Variants in DACH1 observed in about 807,000 individuals in gnomAD.
DACH1 encodes dachshund family transcription factor 1.
In DACH1, 12 loss-of-function variants were observed where a neutral mutation model predicts 54.2. The observed-to-expected ratio is 0.22, with a 90% CI of 0.14 to 0.36. The LOEUF (loss-of-function observed/expected upper bound fraction) is 0.36, where lower values mean the gene tolerates loss of function less well. Among genes scored for constraint, DACH1 ranks in the 10% least tolerant of loss-of-function variants. The pLI, the probability that DACH1 is intolerant of heterozygous loss-of-function variation, is 1.00. For synonymous variants in DACH1, 386 were observed against 366.2 expected (o/e 1.05, Z -0.62); for missense variants, 805 against 929.8 (o/e 0.87, Z 1.75).
At chr13:71,696,924 TAA>T (rs1409340198) in intron 1 of DACH1, among the ~76,000 whole-genome samples, 1 of 152,164 alleles carries the variant, frequency 6.6e-6, no homozygotes, top group Non-Finnish European at 1.5e-5. Flanking sequence ...GTATTATCTC[TAA>T]AAAGAATTGA....
intron 10 of DACH1, among the ~76,000 whole-genome samples, chr13:71,467,547 T>C (rs1280047758): frequency 1.3e-5 from 2 of 150,958 alleles, no homozygotes; most frequent in African/African-American, 4.9e-5. Flanking sequence ...TATGCTGAAA[T>C]AAAAAAAATT....
Position 71,789,637 on chromosome 13 carries a change from A to G in DACH1, c.848+76285T>C, listed in dbSNP as rs116354151. Among the ~76,000 whole-genome samples, 1,403 of 152,238 alleles carry G rather than the reference A, an allele frequency of 9.2e-3. 26 individuals are homozygous for G. The highest frequency in any genetic ancestry group is 0.032 in the African/African-American group (1,316 of 41,534). ...ACTGGGAAGGCAGCTGTTGCACACT[A>G]CACGCTAAAGGGCATTTTAACCCAT... On this transcript the variant is annotated intron_variant, in intron 1 of 10. Coordinates refer to ENST00000613252, the MANE Select transcript of DACH1 (RefSeq NM_080759.6).
chr13:71,476,707 C>T (rs1203727483), intron 8 of DACH1, among the ~76,000 whole-genome samples: 3 of 151,952 alleles, frequency 2.0e-5, no homozygotes, highest in African/African-American at 4.8e-5. Context: ...ATGATACATA[C>T]TCGATAAATA....
Position 71,866,845 on chromosome 13 carries a change from A to C in DACH1, c.-76T>G. 2 of 1,139,818 alleles carry C rather than the reference A, an allele frequency of 1.8e-6. No homozygotes were observed. The highest frequency in any genetic ancestry group is 4.2e-5 in the South Asian group (1 of 23,938). The allele number at this position is 1,139,818 out of a possible 1,614,324, so 70.6% of individuals were successfully genotyped here. A position where few individuals can be genotyped will look rare whatever the true frequency, so the allele number is the denominator to read the frequency against. Reference sequence around the variant, plus strand: ...CACACACCCCCGGGAGGGGAAGGGGAAAAAAGGGGGGAGAAGGAGCGAGGG... The same window carrying C: ...CACACACCCCCGGGAGGGGAAGGGGCAAAAAGGGGGGAGAAGGAGCGAGGG... On this transcript the variant is annotated 5_prime_UTR_variant, in exon 1 of 11. Transcript: ENST00000613252.
At chr13:71,782,358 C>T (rs1161866420) in intron 1 of DACH1, among the ~76,000 whole-genome samples, 1 of 152,138 alleles carries the variant, frequency 6.6e-6, no homozygotes, top group Non-Finnish European at 1.5e-5. Context: ...AGAAGAACTG[C>T]TTGAACCTGG....
intron 6 of DACH1, among the ~76,000 whole-genome samples, chr13:71,511,251 G>A (rs1032204918): frequency 2.6e-5 from 4 of 151,896 alleles, no homozygotes; most frequent in African/African-American, 9.7e-5. Context: ...TTATAACCTT[G>A]TTATTGACTG....
chr13:71,488,800 A>AATAT (rs148136679), intron 7 of DACH1, among the ~76,000 whole-genome samples, 197 bp downstream of exon 7: 7 of 148,576 alleles, frequency 4.7e-5, no homozygotes, highest in East Asian at 3.9e-4. Context: ...CATATATATG[A>AATAT]ATATATATAT....
intron 3 of DACH1, among the ~76,000 whole-genome samples, chr13:71,599,987 A>T (rs190988839): frequency 6.6e-6 from 1 of 152,226 alleles, no homozygotes; most frequent in East Asian, 1.9e-4. Flanking sequence ...GTATCAAATC[A>T]TAGTCCCTGG....
At chr13:71,654,073 A>G (rs928695488) in intron 2 of DACH1, among the ~76,000 whole-genome samples, 1 of 152,112 alleles carries the variant, frequency 6.6e-6, no homozygotes, top group Non-Finnish European at 1.5e-5. Context: ...TGATGTGCAA[A>G]GGGATAGGTA....
intron 4 of DACH1, 53 bp from the exon 5 acceptor site, chr13:71,560,008 T>G (rs1186816203): frequency 3.5e-6 from 5 of 1,428,564 alleles, no homozygotes; most frequent in Middle Eastern, 2.0e-4. Context: ...ATACAACGGA[T>G]CTTTACTTAA....
At chr13:71,695,295 G>A (rs536469936) in intron 1 of DACH1, among the ~76,000 whole-genome samples, 1 of 152,108 alleles carries the variant, frequency 6.6e-6, no homozygotes, top group Non-Finnish European at 1.5e-5. Flanking sequence ...TTAGTGCACA[G>A]ACATGTGCTA....
chr13:71,456,552 A>G (rs1328374501), intron 10 of DACH1, among the ~76,000 whole-genome samples: 1 of 152,044 alleles, frequency 6.6e-6, no homozygotes, highest in African/African-American at 2.4e-5. Flanking sequence ...TATAATAAAA[A>G]TCTTTATTTT....
intron 6 of DACH1, 141 bp from the exon 7 acceptor site, chr13:71,489,289 A>C (rs1878796974): frequency 1.1e-6 from 1 of 886,774 alleles, no homozygotes; most frequent in Non-Finnish European, 1.7e-6. Flanking sequence ...TTTCTGCTGA[A>C]TTTTCTTTAA....
chr13:71,524,372 T>C (rs189118809), intron 6 of DACH1, among the ~76,000 whole-genome samples: 1 of 152,248 alleles, frequency 6.6e-6, no homozygotes, highest in East Asian at 1.9e-4. Flanking sequence ...ATACAGGAAA[T>C]CACTGAGTCA....
intron 1 of DACH1, among the ~76,000 whole-genome samples, chr13:71,771,503 T>G (rs896996494): frequency 1.3e-5 from 2 of 151,416 alleles, no homozygotes; most frequent in African/African-American, 4.8e-5. Context: ...TTGCAACTAA[T>G]CAGTAACTTT....
intron 6 of DACH1, among the ~76,000 whole-genome samples, chr13:71,514,782 A>G (rs935393047): frequency 6.6e-6 from 1 of 151,932 alleles, no homozygotes; most frequent in Admixed American, 6.6e-5. Flanking sequence ...GTTATTCAAA[A>G]TGAACAAAAA....
chr13:71,743,555 T>C (rs1220258435), intron 1 of DACH1, among the ~76,000 whole-genome samples: 4 of 152,216 alleles, frequency 2.6e-5, no homozygotes, highest in Non-Finnish European at 5.9e-5. Context: ...GGTTTCAGTA[T>C]CTTGCTAAAG....
chr13:71,564,620 T>G (rs1393668841), intron 4 of DACH1, among the ~76,000 whole-genome samples: 1 of 152,088 alleles, frequency 6.6e-6, no homozygotes, highest in Admixed American at 6.6e-5. Flanking sequence ...AACAACATAC[T>G]CAAATTCTAA....
Position 71,866,432 on chromosome 13 carries a change from T to TGCAGG in DACH1, c.337_338insCCTGC (p.Asn113ThrfsTer83). The TGCAGG allele has an allele frequency of 8.0e-7, 1 of 1,255,406 alleles. No homozygotes were observed. Among genetic ancestry groups the TGCAGG allele is most frequent in the Non-Finnish European group, 1.1e-6 (1 of 946,898 alleles). The allele number at this position is 1,255,406 out of a possible 1,614,324, so 77.8% of individuals were successfully genotyped here. ...GCCGCCGCCGCCGCCGCCGCTGCCG[T>TGCAGG]TGCTCGCGGCCGCCAGGTTGGGGTT... is the stretch of plus-strand genomic sequence containing the variant. On this transcript the variant is annotated frameshift_variant, in exon 1 of 11. Transcript: ENST00000613252. LOFTEE classifies it high-confidence loss of function.
Sources: allele counts gnomAD v4.1 joint callset (sites outside exome capture counted in the v4.1 genomes callset), GRCh38; gene constraint gnomAD v4.1.1; transcripts MANE v1.5; gene names NCBI Gene and HGNC (gene_info 2026-07-23, HGNC 2026-07-21).